Variants in ZNF521 observed in about 807,000 individuals in gnomAD.
ZNF521 encodes the protein LYST-interacting protein 3.
ZNF521 carries 14 observed loss-of-function variants against 105.5 expected under a neutral mutation model. That is an observed-to-expected ratio of 0.13 (90% CI 0.09 to 0.21). The LOEUF is 0.21. ZNF521 is among the 10% of genes least tolerant of loss of function. The probability of loss-of-function intolerance (pLI) is 1.00; values close to 1 mark genes in which losing one functional copy is unlikely to be tolerated. For missense variants in ZNF521, 1,233 were observed against 1,629.7 expected (o/e 0.76, Z 4.19); for synonymous variants, 635 against 606.0 (o/e 1.05, Z -0.70).
At chr18:25,199,553 TA>T (rs1468186522) in intron 4 of ZNF521, among the ~76,000 whole-genome samples, 2 of 151,944 alleles carry the variant, frequency 1.3e-5, no homozygotes, top group African/African-American at 4.8e-5. Context: ...ACTGAGTATT[TA>T]GGGATGAAAT....
intron 7 of ZNF521, among the ~76,000 whole-genome samples, chr18:25,062,954 G>A (rs933576842): frequency 1.3e-5 from 2 of 152,028 alleles, no homozygotes; most frequent in African/African-American, 4.8e-5. Context: ...TTCTTCCCCA[G>A]GGGGAAACAG....
intron 3 of ZNF521, among the ~76,000 whole-genome samples, chr18:25,297,850 T>C (rs1021268836): frequency 1.3e-5 from 2 of 152,328 alleles, no homozygotes; most frequent in East Asian, 1.9e-4. Context: ...CTTTTTATTA[T>C]AACAATCTTC....
At chr18:25,102,501 T>C (rs1317057756) in intron 5 of ZNF521, among the ~76,000 whole-genome samples, 2 of 150,518 alleles carry the variant, frequency 1.3e-5, no homozygotes, top group Non-Finnish European at 2.9e-5. Context: ...GATGAGAAAA[T>C]TGAGACTATA....
chr18:25,312,470 A>C (rs1912361187), intron 3 of ZNF521, among the ~76,000 whole-genome samples: 1 of 152,168 alleles, frequency 6.6e-6, no homozygotes, highest in Non-Finnish European at 1.5e-5. Flanking sequence ...GATTGAACTG[A>C]CCTTACCTCC....
intron 5 of ZNF521, among the ~76,000 whole-genome samples, chr18:25,146,215 G>A (rs1168044167): frequency 6.6e-6 from 1 of 152,116 alleles, no homozygotes; most frequent in Admixed American, 6.6e-5. Context: ...TAACCACTGA[G>A]CTTACTAACC....
At chr18:25,116,912 C>CACATATATAT (rs2034321991) in intron 5 of ZNF521, among the ~76,000 whole-genome samples, 1 of 130,960 alleles carries the variant, frequency 7.6e-6, no homozygotes, top group Non-Finnish European at 1.5e-5. Context: ...TGTATATATA[C>CACATATATAT]GTATATCTAT....
At chr18:25,121,272 CCTTT>C (rs2034437862) in intron 5 of ZNF521, among the ~76,000 whole-genome samples, 6 of 119,648 alleles carry the variant, frequency 5.0e-5, no homozygotes, top group African/African-American at 1.4e-4. Flanking sequence ...TCTTCTTCTT[CCTTT>C]TTTTTTTTTT....
At position 25,227,714 on chromosome 18, in the gene ZNF521, T is replaced by C; in HGVS notation, c.221-17A>G. ...CCACTCCATCTGCAACAAGAAGCAA[T>C]GACAAATTTCATCTGACATGTTGAG... On this transcript the variant is annotated splice_polypyrimidine_tract_variant and intron_variant, in intron 3 of 7. Transcript: ENST00000361524. This position sits in a 1 kb window ranked among gnomAD's most constrained non-coding sequence, Gnocchi z 5.7. 1.3e-6 allele frequency: 2 copies of C among 1,596,432 alleles called. No homozygotes were observed. The highest frequency in any genetic ancestry group is 4.5e-5 in the East Asian group (2 of 44,654).
At chr18:25,134,793 A>C (rs2034703385) in intron 5 of ZNF521, among the ~76,000 whole-genome samples, 1 of 152,070 alleles carries the variant, frequency 6.6e-6, no homozygotes. Context: ...CATCAAGCTC[A>C]TGATTCCAGC....
At chr18:25,223,109 CTAA>C (rs1905844772) in intron 4 of ZNF521, among the ~76,000 whole-genome samples, 1 of 152,188 alleles carries the variant, frequency 6.6e-6, no homozygotes, top group East Asian at 1.9e-4. Flanking sequence ...CTTTTAACTA[CTAA>C]TATTTGTTTC....
At chr18:25,245,624 G>T (rs959935607) in intron 3 of ZNF521, among the ~76,000 whole-genome samples, 1 of 152,100 alleles carries the variant, frequency 6.6e-6, no homozygotes, top group Non-Finnish European at 1.5e-5. Context: ...CTAGGCACTG[G>T]GATCAAAGGT....
At chr18:25,246,791 T>A (rs1400736549) in intron 3 of ZNF521, among the ~76,000 whole-genome samples, 1 of 152,206 alleles carries the variant, frequency 6.6e-6, no homozygotes, top group Non-Finnish European at 1.5e-5. Flanking sequence ...TTTTCTCTCT[T>A]CCCTTTGTCA....
rs557249849 is a variant in ZNF521 at position 25,329,157 on chromosome 18, A to G, written c.41-6970T>C. On this transcript the variant is annotated intron_variant, in intron 2 of 7. Coordinates refer to ENST00000361524, the MANE Select transcript of ZNF521 (RefSeq NM_015461.3). ...GTTTGCAATTTGCTGCCGCTTCCCA[A>G]CTGGTGGGTCAAAAGCAAGTTCAAG... 2.6e-5 allele frequency among the ~76,000 whole-genome samples: 4 copies of G among 152,286 alleles called. No homozygotes were observed. The South Asian group carries it at 8.3e-4, about 32-fold the overall frequency.
chr18:25,201,717 T>G (rs1454918938), intron 4 of ZNF521: 1 of 152,178 alleles, frequency 6.6e-6, no homozygotes, highest in Non-Finnish European at 1.5e-5. Context: ...ACAATGATGC[T>G]GTAAAGTACT....
At chr18:25,197,039 T>C (rs1245002251) in intron 4 of ZNF521, among the ~76,000 whole-genome samples, 1 of 151,702 alleles carries the variant, frequency 6.6e-6, no homozygotes, top group East Asian at 1.9e-4. Context: ...AGTCTAATAA[T>C]AAAGAATAAA....
chr18:25,067,020 G>C (rs1343860567), intron 7 of ZNF521, among the ~76,000 whole-genome samples: 4 of 152,160 alleles, frequency 2.6e-5, no homozygotes, highest in Non-Finnish European at 4.4e-5. Flanking sequence ...TGGAGGTGGG[G>C]GGTGAAGACA....
At chr18:25,092,317 C>A (rs961678650) in intron 5 of ZNF521, among the ~76,000 whole-genome samples, 7 of 152,106 alleles carry the variant, frequency 4.6e-5, no homozygotes, top group Admixed American at 3.9e-4. Flanking sequence ...AAGGCTAATG[C>A]ATTTTATTAC....
intron 5 of ZNF521, among the ~76,000 whole-genome samples, chr18:25,122,523 C>T (rs115024072): frequency 6.6e-6 from 1 of 151,984 alleles, no homozygotes; most frequent in African/African-American, 2.4e-5. Flanking sequence ...TAAAAACAAG[C>T]CCCAATGTAA....
chr18:25,177,891 T>C (rs1415831200), intron 5 of ZNF521, among the ~76,000 whole-genome samples: 2 of 152,212 alleles, frequency 1.3e-5, no homozygotes, highest in Non-Finnish European at 2.9e-5. Context: ...GGAGGAAACC[T>C]GCACAATTTT....
Sources: gnomAD v4.1 joint callset for allele counts (sites outside exome capture counted in the v4.1 genomes callset) on GRCh38, gnomAD v4.1.1 for gene constraint, Gnocchi (gnomAD v3.1) non-coding constraint, MANE v1.5 for transcripts, NCBI Gene and HGNC (gene_info 2026-07-23, HGNC 2026-07-21) for gene names.